HMGCS1: variants seen among roughly 807,000 people sequenced by gnomAD.
HMGCS1 encodes the protein 3-hydroxy-3-methylglutaryl-CoA synthase 1, also known as hydroxymethylglutaryl-CoA synthase, cytoplasmic.
A neutral mutation model predicts 52.3 loss-of-function variants in HMGCS1; 9 were observed. That is an observed-to-expected ratio of 0.17 (90% confidence interval 0.10 to 0.30). The LOEUF (loss-of-function observed/expected upper bound fraction) is 0.30, where lower values mean the gene tolerates loss of function less well. Ranked by LOEUF, HMGCS1 falls within the 10% of genes least tolerant of loss-of-function variation. The pLI is 1.00. For synonymous variants in HMGCS1, 176 were observed against 214.4 expected (o/e 0.82, Z 1.57); for missense variants, 320 against 620.9 (o/e 0.52, Z 5.15).
In HMGCS1 at chr5:43,291,021, A is replaced by AT. The variant is rs916834650; in HGVS notation, c.*109dup. 5.9e-6 allele frequency: 4 copies of AT among 680,342 alleles called. No individual in the cohort carries two copies. In the African/African-American group the frequency reaches 7.1e-5, roughly 12 times the overall value. The allele number at this position is 680,342 out of a possible 1,614,324, so 42.1% of individuals were successfully genotyped here. A position where few individuals can be genotyped will look rare whatever the true frequency, so the allele number is the denominator to read the frequency against. On this transcript the variant is annotated 3_prime_UTR_variant, in exon 11 of 11. Coordinates refer to ENST00000325110, the MANE Select transcript of HMGCS1 (RefSeq NM_001098272.3). ...CCATGTCAGTCACATAAAAATTTACATAACATGTAATCCTTTAAAATTATC... is the reference window on the plus strand; with the variant it reads ...CCATGTCAGTCACATAAAAATTTACATTAACATGTAATCCTTTAAAATTATC...
Position 43,298,236 on chromosome 5 carries a change from T to C in HMGCS1, c.449-102A>G. The C allele has an allele frequency of 9.4e-7, 1 of 1,063,538 alleles. No individual in the cohort carries two copies. The highest frequency in any genetic ancestry group is 2.7e-5 in the Admixed American group (1 of 37,668). The allele number at this position is 1,063,538 out of a possible 1,614,324, so 65.9% of individuals were successfully genotyped here. A position where few individuals can be genotyped will look rare whatever the true frequency, so the allele number is the denominator to read the frequency against. ...TTTTCCCCAGAATATGCTTTTCCCT[T>C]CTTTGATAAAGAAAGAAAATGCTCT... On this transcript the variant is annotated intron_variant, in intron 3 of 10. Transcript: ENST00000325110. This position sits in a 1 kb window ranked among gnomAD's most constrained non-coding sequence, Gnocchi z 5.6.
At position 43,292,654 on chromosome 5, in the gene HMGCS1, G is replaced by A. The variant is rs752377585; in HGVS notation, c.1310-17C>T. 4.4e-6 allele frequency: 7 copies of A among 1,598,138 alleles called. No individual in the cohort carries two copies. In the East Asian group the frequency reaches 1.6e-4, roughly 36 times the overall value. On this transcript the variant is annotated splice_polypyrimidine_tract_variant and intron_variant, in intron 9 of 10. Transcript: ENST00000325110. ...TATAGTTGACTAAAGGAAAGGGAGA[G>A]AATATCTACAATTAGTTATGATATA...
Position 43,298,085 on chromosome 5 carries a change from T to G in HMGCS1, c.498A>C (p.Gly166=). 6.2e-7 allele frequency: 1 copy of G among 1,613,600 alleles called. No homozygotes were observed. The highest frequency in any genetic ancestry group is 8.5e-7 in the Non-Finnish European group (1 of 1,179,590). Residue 166 remains glycine (G), a synonymous_variant, in exon 4 of 11, where the codon GGA becomes GGC. Coordinates refer to ENST00000325110, the MANE Select transcript of HMGCS1 (RefSeq NM_001098272.3). This position sits in a 1 kb window ranked among gnomAD's most constrained non-coding sequence, Gnocchi z 5.6. ...VAGDIAVYAT[G]NARPTGGVGA... ...CAACTCCACCTGTAGGTCTAGCATT[T>G]CCTGTGGCATATACAGCAATATCTC...
chr5:43,299,080 G>C, intron 2 of HMGCS1, 105 bp from the exon 3 acceptor site: 1 of 787,370 alleles, frequency 1.3e-6, no homozygotes, highest in Non-Finnish European at 2.0e-6. Context: ...ATCACCTGAA[G>C]TATTAGTTTC....
chr5:43,294,785 T>C lies in HMGCS1; in HGVS notation c.982A>G (p.Ser328Gly), dbSNP rs763260535. 6.2e-7 allele frequency: 1 copy of C among 1,611,634 alleles called. No homozygotes were observed. The highest frequency in any genetic ancestry group is 1.1e-5 in the South Asian group (1 of 91,036). Reference protein sequence around the residue: ...AFMKASSELFSQKTKASLLVS... With the variant: ...AFMKASSELFGQKTKASLLVS... ...AGTAAAGATGCCTTTGTTTTCTGAC[T>C]GAAGAGTTCAGAGCTAGCCTTCATA... Residue 328 changes from serine (S) to glycine (G), a missense_variant, in exon 7 of 11, where the codon AGT becomes GGT. Transcript: ENST00000325110.
At chr5:43,310,508 A>G (rs1210930836) in intron 1 of HMGCS1, among the ~76,000 whole-genome samples, 4 of 152,222 alleles carry the variant, frequency 2.6e-5, no homozygotes, top group Non-Finnish European at 5.9e-5. Context: ...CCTTGAAGTA[A>G]AGGGTACTCA....
Position 43,291,219 on chromosome 5 carries a change from T to A in HMGCS1, c.1475A>T (p.His492Leu), listed in dbSNP as rs146233971. The A allele has an allele frequency of 1.1e-5, 17 of 1,606,202 alleles. No individual in the cohort carries two copies. The highest frequency in any genetic ancestry group is 1.4e-5 in the Non-Finnish European group (16 of 1,173,016). Residue 492 changes from histidine (H) to leucine (L), a missense_variant and splice_region_variant, in exon 11 of 11, where the codon CAT (histidine) becomes CTT (leucine). His to Leu is a moderately conservative substitution (Grantham distance 99). Transcript: ENST00000325110. ...GLVHSNIATE[H>L]IPSPAKKVPR... Reference sequence around the variant, plus strand: ...TACTTTCTTGGCAGGGCTTGGAATATGCTAAAATGAAAGGAAAAAAGTTGA... The same window carrying A: ...TACTTTCTTGGCAGGGCTTGGAATAAGCTAAAATGAAAGGAAAAAAGTTGA...
At chr5:43,303,075 A>G (rs1321149209) in intron 2 of HMGCS1, among the ~76,000 whole-genome samples, 1 of 152,214 alleles carries the variant, frequency 6.6e-6, no homozygotes, top group African/African-American at 2.4e-5. Context: ...GTAATCAAAA[A>G]AGCATTGTAT....
At position 43,303,140 on chromosome 5, in the gene HMGCS1, G is replaced by T. The variant is rs539772524; in HGVS notation, c.-10-4165C>A. On this transcript the variant is annotated intron_variant, in intron 2 of 10. Coordinates refer to ENST00000325110, the MANE Select transcript of HMGCS1 (RefSeq NM_001098272.3). ...AATTTATTACATCCTAGATTCTTTAGATAGTACGAAATATAGCATTCAGTG... is the reference window on the plus strand; with the variant it reads ...AATTTATTACATCCTAGATTCTTTATATAGTACGAAATATAGCATTCAGTG... Among the ~76,000 whole-genome samples, 4 of 152,288 alleles carry T rather than the reference G, an allele frequency of 2.6e-5. No homozygotes were observed. In the South Asian group the frequency reaches 8.3e-4, roughly 32 times the overall value.
chr5:43,292,495 C>G lies in HMGCS1; in HGVS notation c.1452G>C (p.Val484=). 1 of 1,613,864 alleles carries G rather than the reference C, an allele frequency of 6.2e-7. No individual in the cohort carries two copies. Among genetic ancestry groups the G allele is most frequent in the South Asian group, 1.1e-5 (1 of 91,078 alleles). ...DDTLDEGVGL[V]HSNIATEHIP... ...TTACCTCAGTTGCTATGTTTGAATG[C>G]ACAAGTCCTACTCCTTCATCCAAAG... The change falls in exon 10 of 11, where the codon GTG becomes GTC. Residue 484 remains valine (V), a synonymous_variant. Coordinates refer to ENST00000325110, the MANE Select transcript of HMGCS1 (RefSeq NM_001098272.3).
At chr5:43,293,951 G>A (rs961375122) in intron 8 of HMGCS1, 105 bp downstream of exon 8, 9 of 714,052 alleles carry the variant, frequency 1.3e-5, no homozygotes, top group Admixed American at 2.1e-5. Flanking sequence ...CTGACCTCAG[G>A]TGATCTGCCC....
intron 1 of HMGCS1, 156 bp downstream of exon 1, chr5:43,313,200 A>T (rs1323374165): frequency 6.6e-6 from 1 of 151,692 alleles, no homozygotes; most frequent in Admixed American, 6.6e-5. Flanking sequence ...GGCCCCGCTC[A>T]CGGTGCCCCA....
At chr5:43,296,463 A>T (rs1284977973) in intron 5 of HMGCS1, among the ~76,000 whole-genome samples, 1 of 152,230 alleles carries the variant, frequency 6.6e-6, no homozygotes, top group Non-Finnish European at 1.5e-5. Context: ...ACCTCTAAAA[A>T]GCAAAGTTGG....
chr5:43,300,198 C>G (rs1462378262), intron 2 of HMGCS1, among the ~76,000 whole-genome samples: 1 of 152,150 alleles, frequency 6.6e-6, no homozygotes, highest in African/African-American at 2.4e-5. Flanking sequence ...GCATAAGAAC[C>G]AATGAAATGT....
At chr5:43,306,503 A>G (rs1754583215) in intron 2 of HMGCS1, among the ~76,000 whole-genome samples, 1 of 152,194 alleles carries the variant, frequency 6.6e-6, no homozygotes, top group African/African-American at 2.4e-5. Context: ...CAGGTTGAGC[A>G]TTCCTAATAC....
At position 43,295,801 on chromosome 5, in the gene HMGCS1, C is replaced by T; in HGVS notation, c.856G>A (p.Asp286Asn). The change falls in exon 6 of 11, where the codon GAC becomes AAC. Residue 286 changes from aspartate (D) to asparagine (N), a missense_variant. Asp to Asn is a conservative substitution (Grantham distance 23). This residue lies in a region of HMGCS1 where 213 missense variants were observed against 337.4 expected (regional missense o/e 0.63). Coordinates refer to ENST00000325110, the MANE Select transcript of HMGCS1 (RefSeq NM_001098272.3). ...ATACTATTTTTATCTCTATTCTGGT[C>T]ATTAAGGAAGTCATTCAGCAACATC... ...ARMLLNDFLN[D>N]QNRDKNSIYS... is the part of the protein sequence containing the mutation. 1 of 1,613,320 alleles carries T rather than the reference C, an allele frequency of 6.2e-7. No homozygotes were observed. Among genetic ancestry groups the T allele is most frequent in the South Asian group, 1.1e-5 (1 of 91,026 alleles).
chr5:43,305,765 G>A (rs1579663209), intron 2 of HMGCS1, among the ~76,000 whole-genome samples: 1 of 123,308 alleles, frequency 8.1e-6, no homozygotes, highest in African/African-American at 3.2e-5. Context: ...CTGGGTCACA[G>A]AGTGAGACTC....
chr5:43,293,098 T>C, intron 8 of HMGCS1, 125 bp from the exon 9 acceptor site: 1 of 717,088 alleles, frequency 1.4e-6, no homozygotes, highest in Non-Finnish European at 2.3e-6. Context: ...TACTGGCTAC[T>C]GATTAGTTAA....
In HMGCS1 at chr5:43,294,733, T is replaced by C. The variant is rs1374261668; in HGVS notation, c.1034A>G (p.Tyr345Cys). 3 of 1,612,530 alleles carry C rather than the reference T, an allele frequency of 1.9e-6. No homozygotes were observed. The African/African-American group carries it at 4.0e-5, about 22-fold the overall frequency. ...AAGGGAACCATATACTGAAGATGTG[T>C]ACATATTTCCATTTTGATTTGATAC... is the stretch of plus-strand genomic sequence containing the variant. ...LLVSNQNGNM[Y>C]TSSVYGSLAS... Residue 345 changes from tyrosine to cysteine, a missense_variant, in exon 7 of 11, where the codon TAC becomes TGC. Coordinates refer to ENST00000325110, the MANE Select transcript of HMGCS1 (RefSeq NM_001098272.3).
Sources: allele counts gnomAD v4.1 joint callset (sites outside exome capture counted in the v4.1 genomes callset), GRCh38; gene constraint gnomAD v4.1.1; regional missense constraint gnomAD v4.1.1; non-coding constraint Gnocchi (gnomAD v3.1); transcripts MANE v1.5; gene names NCBI Gene and HGNC (gene_info 2026-07-23, HGNC 2026-07-21).